The following NHLH1 variants were observed in gnomAD, a reference collection of about 807,000 sequenced individuals.
The protein encoded by NHLH1 is helix-loop-helix protein 1.
In NHLH1, 3 loss-of-function variants were observed where a neutral mutation model predicts 6.7. The ratio of observed to expected loss-of-function variants is 0.44; its 90% CI spans 0.20 to 1.15. The LOEUF is 1.15. Among genes scored for constraint, NHLH1 ranks in the 50% most tolerant of loss-of-function variants. The pLI is 0.26. For missense variants in NHLH1, 177 were observed against 189.5 expected (o/e 0.93, Z 0.39); for synonymous variants, 92 against 84.2 (o/e 1.09, Z -0.51).
At position 160,370,724 on chromosome 1, in the gene NHLH1, C is replaced by A; in HGVS notation, c.-8C>A. The A allele has an allele frequency of 6.2e-7, 1 of 1,612,390 alleles. No homozygotes were observed. Among genetic ancestry groups the A allele is most frequent in the Admixed American group, 1.7e-5 (1 of 59,958 alleles). On this transcript the variant is annotated 5_prime_UTR_variant, in exon 2 of 2. Coordinates refer to ENST00000302101, the MANE Select transcript of NHLH1 (RefSeq NM_005598.4). ...GATCCTGATCTCACAGGGCAGGGGG[C>A]TTCCATCATGATGCTCAACTCAGAC...
At chr1:160,369,796 A>G (rs1217541992) in intron 1 of NHLH1, among the ~76,000 whole-genome samples, 4 of 152,122 alleles carry the variant, frequency 2.6e-5, no homozygotes, top group Non-Finnish European at 4.4e-5. Flanking sequence ...GTTTATTTAT[A>G]TAAATTTATG....
At chr1:160,369,589 C>T (rs1413419025) in intron 1 of NHLH1, among the ~76,000 whole-genome samples, 3 of 152,088 alleles carry the variant, frequency 2.0e-5, no homozygotes, top group Admixed American at 6.5e-5. Context: ...CTTGCCAAGA[C>T]TTATTTTTTG....
chr1:160,370,562 A>G lies in NHLH1; in HGVS notation c.-170A>G, dbSNP rs1190979504. 1.8e-5 allele frequency: 11 copies of G among 626,442 alleles called. No individual in the cohort carries two copies. In the South Asian group the frequency reaches 1.8e-4, roughly 10 times the overall value. 38.8% of individuals were successfully genotyped at this position (626,442 alleles called of 1,614,324 possible). On this transcript the variant is annotated 5_prime_UTR_variant, in exon 2 of 2. Coordinates refer to ENST00000302101, the MANE Select transcript of NHLH1 (RefSeq NM_005598.4). ...TTCTCTCTTCTCTTTTTCAGGCTTC[A>G]GACTGGCACCCTGACCATGGAACCC...
chr1:160,369,699 A>AT (rs1649580923), intron 1 of NHLH1, among the ~76,000 whole-genome samples: 1 of 152,080 alleles, frequency 6.6e-6, no homozygotes, highest in South Asian at 2.1e-4. Flanking sequence ...GATGTTGAAC[A>AT]TTTTTTCATA....
chr1:160,370,097 C>T (rs1240152617), intron 1 of NHLH1, among the ~76,000 whole-genome samples: 3 of 152,068 alleles, frequency 2.0e-5, no homozygotes, highest in South Asian at 2.1e-4. Flanking sequence ...TGATTATGTT[C>T]GTCAATAAAT....
At chr1:160,369,819 A>C (rs1327697350) in intron 1 of NHLH1, among the ~76,000 whole-genome samples, 2 of 152,076 alleles carry the variant, frequency 1.3e-5, no homozygotes, top group Non-Finnish European at 2.9e-5. Context: ...GTACAAGTGC[A>C]ATTTTGTTAC....
intron 1 of NHLH1, among the ~76,000 whole-genome samples, chr1:160,367,861 TG>T (rs1279825907): frequency 6.6e-6 from 1 of 152,134 alleles, no homozygotes; most frequent in Non-Finnish European, 1.5e-5. Flanking sequence ...AGCCCCAGCA[TG>T]GGGGGTGGGG....
chr1:160,368,290 A>C (rs1649538880), intron 1 of NHLH1, among the ~76,000 whole-genome samples: 2 of 152,160 alleles, frequency 1.3e-5, no homozygotes, highest in African/African-American at 2.4e-5. Context: ...TTAACACTGC[A>C]CACAAGCAAA....
rs189726364 is a variant in NHLH1 at position 160,371,334 on chromosome 1, G to C, written c.*201G>C. On this transcript the variant is annotated 3_prime_UTR_variant, in exon 2 of 2. Transcript: ENST00000302101. The stretch of plus-strand genomic sequence containing the variant: ...GGCACCTCGAGGGCTATTCTCCTGG[G>C]TTCCTTCCGGGGTTTATTGCTGAGG... The C allele has an allele frequency of 2.5e-6, 2 of 787,252 alleles. No individual in the cohort carries two copies. Among genetic ancestry groups the C allele is most frequent in the Admixed American group, 3.5e-5 (1 of 28,200 alleles). 48.8% of individuals were successfully genotyped at this position (787,252 alleles called of 1,614,324 possible).
chr1:160,371,890 GA>G lies in NHLH1; in HGVS notation c.*768del, dbSNP rs112378041. ...TTCTCCCTCCCTGTGTGTCACTAGA[GA>G]AAAAAAAAAACAAAAACCTAGATTC... is the stretch of plus-strand genomic sequence containing the variant. On this transcript the variant is annotated 3_prime_UTR_variant, in exon 2 of 2. Transcript: ENST00000302101. 93 of 152,174 alleles carry G rather than the reference GA, an allele frequency of 6.1e-4. No homozygotes were observed. The highest frequency in any genetic ancestry group is 4.0e-4 in the East Asian group (2 of 4,944). The allele number at this position is 152,174 out of a possible 1,614,324, so 9.4% of individuals were successfully genotyped here.
At position 160,370,648 on chromosome 1, in the gene NHLH1, TCC is replaced by T; in HGVS notation, c.-80_-79del. ...CCCCACGACCCTTCCTCCCCCTTCC[TCC>T]CCCTCCCACCACCAGCTTTCAAGCT... On this transcript the variant is annotated 5_prime_UTR_variant, in exon 2 of 2. Transcript: ENST00000302101. The T allele has an allele frequency of 7.1e-7, 1 of 1,410,078 alleles. No homozygotes were observed. Among genetic ancestry groups the T allele is most frequent in the East Asian group, 2.4e-5 (1 of 42,436 alleles). The allele number at this position is 1,410,078 out of a possible 1,614,324, so 87.3% of individuals were successfully genotyped here.
Position 160,371,064 on chromosome 1 carries a change from C to G in NHLH1, c.333C>G (p.Leu111=). Residue 111 remains leucine, a synonymous_variant, in exon 2 of 2, where the codon CTC becomes CTG. Transcript: ENST00000302101. ...CTACGCTGCCCCCCGACAAGAAGCTCTCCAAGATTGAGATTCTGCGCCTGG... is the reference window on the plus strand; with the variant it reads ...CTACGCTGCCCCCCGACAAGAAGCTGTCCAAGATTGAGATTCTGCGCCTGG... ...LLPTLPPDKK[L]SKIEILRLAI... is the part of the protein sequence containing the mutation. The G allele has an allele frequency of 6.2e-7, 1 of 1,614,102 alleles. No homozygotes were observed. The highest frequency in any genetic ancestry group is 8.5e-7 in the Non-Finnish European group (1 of 1,179,984).
Position 160,372,050 on chromosome 1 carries a change from C to T in NHLH1, c.*917C>T, listed in dbSNP as rs1250582952. 1 of 166,974 alleles carries T rather than the reference C, an allele frequency of 6.0e-6. No individual in the cohort carries two copies. Among genetic ancestry groups the T allele is most frequent in the Non-Finnish European group, 1.5e-5 (1 of 68,140 alleles). The allele number at this position is 166,974 out of a possible 1,614,324, so 10.3% of individuals were successfully genotyped here. ...GTGCAGCACCCTCACTGGTTCCTCCCCCCAACGCAAGGAGGATGCCCAATT... is the reference window on the plus strand; with the variant it reads ...GTGCAGCACCCTCACTGGTTCCTCCTCCCAACGCAAGGAGGATGCCCAATT... On this transcript the variant is annotated 3_prime_UTR_variant, in exon 2 of 2. Transcript: ENST00000302101.
At chr1:160,368,691 G>A (rs1649553386) in intron 1 of NHLH1, among the ~76,000 whole-genome samples, 1 of 152,136 alleles carries the variant, frequency 6.6e-6, no homozygotes, top group African/African-American at 2.4e-5. Flanking sequence ...ACTGGGAGGG[G>A]AGCTGTGCAG....
rs750576899 is a variant in NHLH1 at position 160,370,867 on chromosome 1, C to A, written c.136C>A (p.Arg46=). 1.9e-6 allele frequency: 3 copies of A among 1,605,906 alleles called. No homozygotes were observed. The highest frequency in any genetic ancestry group is 1.7e-4 in the Middle Eastern group (1 of 5,776). Residue 46 remains arginine, a synonymous_variant, in exon 2 of 2, where the codon CGA becomes AGA. Transcript: ENST00000302101. ...TGGGGGTCCGGGAGGGGGCCAGGCC[C>A]GAGGCCCAGAGCCGGGAGAGCCTGG... The part of the protein sequence containing the change: ...GPGGPGGGQA[R]GPEPGEPGRK...
Position 160,370,631 on chromosome 1 carries a change from C to A in NHLH1, c.-101C>A. On this transcript the variant is annotated 5_prime_UTR_variant, in exon 2 of 2. Transcript: ENST00000302101. ...TAGAGCTCAGTGGCAGACCCCACGA[C>A]CCTTCCTCCCCCTTCCTCCCCCTCC... 2.5e-6 allele frequency: 3 copies of A among 1,188,902 alleles called. No individual in the cohort carries two copies. Among genetic ancestry groups the A allele is most frequent in the Non-Finnish European group, 3.6e-6 (3 of 834,182 alleles). The allele number at this position is 1,188,902 out of a possible 1,614,324, so 73.6% of individuals were successfully genotyped here. A position where few individuals can be genotyped will look rare whatever the true frequency, so the allele number is the denominator to read the frequency against.
At chr1:160,367,940 C>G (rs1649530028) in intron 1 of NHLH1, among the ~76,000 whole-genome samples, 1 of 141,330 alleles carries the variant, frequency 7.1e-6, no homozygotes, top group South Asian at 2.2e-4. Flanking sequence ...TGCCATCCCC[C>G]CATAGTTCAT....
Position 160,370,625 on chromosome 1 carries a change from C to A in NHLH1, c.-107C>A. The stretch of plus-strand genomic sequence containing the variant: ...GACTTCTAGAGCTCAGTGGCAGACC[C>A]CACGACCCTTCCTCCCCCTTCCTCC... On this transcript the variant is annotated 5_prime_UTR_variant, in exon 2 of 2. Transcript: ENST00000302101. 4.4e-6 allele frequency: 5 copies of A among 1,134,210 alleles called. No homozygotes were observed. Among genetic ancestry groups the A allele is most frequent in the Non-Finnish European group, 5.1e-6 (4 of 786,720 alleles). The allele number at this position is 1,134,210 out of a possible 1,614,324, so 70.3% of individuals were successfully genotyped here. A position where few individuals can be genotyped will look rare whatever the true frequency, so the allele number is the denominator to read the frequency against.
intron 1 of NHLH1, among the ~76,000 whole-genome samples, chr1:160,368,749 A>G (rs143473339): frequency 3.2e-4 from 49 of 152,246 alleles, no homozygotes; most frequent in South Asian, 8.3e-4. Flanking sequence ...CTATTCTACA[A>G]TGGGCAATCT....
Sources: gnomAD v4.1 joint callset for allele counts (sites outside exome capture counted in the v4.1 genomes callset) on GRCh38, gnomAD v4.1.1 for gene constraint, MANE v1.5 for transcripts, NCBI Gene and HGNC (gene_info 2026-07-23, HGNC 2026-07-21) for gene names.